The following GRIP1 variants were observed in gnomAD, a reference collection of about 807,000 sequenced individuals.
GRIP1 encodes the protein glutamate receptor-interacting protein 1.
In GRIP1, 45 loss-of-function variants were observed where a neutral mutation model predicts 129.9. That is an observed-to-expected ratio of 0.35 (90% confidence interval 0.27 to 0.44). The LOEUF (loss-of-function observed/expected upper bound fraction) is 0.44, where lower values mean the gene tolerates loss of function less well. Ranked by LOEUF, GRIP1 falls within the 20% of genes least tolerant of loss-of-function variation. The pLI, the probability that GRIP1 is intolerant of heterozygous loss-of-function variation, is 1.00. For synonymous variants in GRIP1, 530 were observed against 520.8 expected (o/e 1.02, Z -0.24); for missense variants, 1,196 against 1,396.8 (o/e 0.86, Z 2.29).
At chr12:66,881,565 C>T (rs1054747799) in intron 1 of GRIP1, among the ~76,000 whole-genome samples, 3 of 151,948 alleles carry the variant, frequency 2.0e-5, no homozygotes, top group Non-Finnish European at 1.5e-5. Flanking sequence ...ATCACATGCA[C>T]CATTGAGCTT....
chr12:66,805,309 C>T (rs952972581), upstream of GRIP1, among the ~76,000 whole-genome samples: 1 of 152,008 alleles, frequency 6.6e-6, no homozygotes, highest in Non-Finnish European at 1.5e-5. Context: ...TTTTAAGAAC[C>T]ACAATCAGAA....
intron 1 of GRIP1, among the ~76,000 whole-genome samples, chr12:66,710,304 G>A (rs975709242): frequency 6.6e-6 from 1 of 151,922 alleles, no homozygotes; most frequent in African/African-American, 2.4e-5. Flanking sequence ...ACTACTTTTG[G>A]TAACTCTTAA....
intron 1 of GRIP1, among the ~76,000 whole-genome samples, chr12:66,974,547 A>C (rs1198090262): frequency 6.6e-6 from 1 of 152,236 alleles, no homozygotes; most frequent in East Asian, 1.9e-4. Flanking sequence ...AAAAATGAAC[A>C]TAATTTTGAC....
At chr12:67,040,389 A>C (rs962969872) in intron 1 of GRIP1, among the ~76,000 whole-genome samples, 2 of 152,216 alleles carry the variant, frequency 1.3e-5, no homozygotes, top group Non-Finnish European at 2.9e-5. Flanking sequence ...TAACATTTTC[A>C]AGTGATCTTT....
At chr12:66,861,096 T>TA (rs142521574) in intron 1 of GRIP1, among the ~76,000 whole-genome samples, 2,887 of 152,026 alleles carry the variant, frequency 0.019, 95 homozygotes, top group African/African-American at 0.066. Context: ...ATCAGAAAAA[T>TA]AAAAAGGTCC....
intron 1 of GRIP1, among the ~76,000 whole-genome samples, chr12:66,809,602 T>C (rs1180985210): frequency 1.3e-5 from 2 of 152,178 alleles, no homozygotes; most frequent in African/African-American, 4.8e-5. Context: ...ATATCCCTTC[T>C]TACTAACTGA....
chr12:66,645,415 T>C (rs1006611254), intron 1 of GRIP1, among the ~76,000 whole-genome samples: 1 of 152,206 alleles, frequency 6.6e-6, no homozygotes, highest in Non-Finnish European at 1.5e-5. Flanking sequence ...TGTTCTCTCA[T>C]TCATTGAGCT....
intron 1 of GRIP1, among the ~76,000 whole-genome samples, chr12:66,867,074 C>T (rs2040218475): frequency 6.6e-6 from 1 of 152,130 alleles, no homozygotes; most frequent in Non-Finnish European, 1.5e-5. Flanking sequence ...CTGCAACCTC[C>T]ACCTCCCAGG....
At chr12:66,502,116 ATTTT>A (rs1592441588) in intron 7 of GRIP1, among the ~76,000 whole-genome samples, 1 of 152,166 alleles carries the variant, frequency 6.6e-6, no homozygotes, top group East Asian at 1.9e-4. Context: ...ATTCTGAAAT[ATTTT>A]AAGAGAATTT....
Position 66,378,105 on chromosome 12 carries a change from TAA to T in GRIP1, c.2622-822_2622-821del, listed in dbSNP as rs1053630076. 2.9e-3 allele frequency among the ~76,000 whole-genome samples: 411 copies of T among 141,804 alleles called. 4 individuals are homozygous for T. The highest frequency in any genetic ancestry group is 9.1e-3 in the African/African-American group (354 of 38,792). 93.0% of individuals were successfully genotyped at this position (141,804 alleles called of 152,430 possible). A position where few individuals can be genotyped will look rare whatever the true frequency, so the allele number is the denominator to read the frequency against. On this transcript the variant is annotated intron_variant, in intron 20 of 24. Coordinates refer to ENST00000359742, the MANE Select transcript of GRIP1 (RefSeq NM_001366722.1). ...AAAGATGGATCCATGAGGTATCTTT[TAA>T]AAAAAAAAAAAAGTAACTTAATGTG...
At chr12:66,843,120 A>C (rs17182441) in intron 1 of GRIP1, among the ~76,000 whole-genome samples, 2,004 of 152,236 alleles carry the variant, frequency 0.013, 15 homozygotes, top group Non-Finnish European at 0.022. Flanking sequence ...TGAAGATCAA[A>C]CCTCCTAAGC....
At chr12:66,451,518 C>T (rs900865458) in intron 11 of GRIP1, among the ~76,000 whole-genome samples, 1 of 149,740 alleles carries the variant, frequency 6.7e-6, no homozygotes, top group Non-Finnish European at 1.5e-5. Context: ...ATCCTTCCAC[C>T]TCAGCCCCCC....
intron 2 of GRIP1, among the ~76,000 whole-genome samples, chr12:66,593,723 A>G (rs546891717): frequency 2.0e-5 from 3 of 152,144 alleles, no homozygotes; most frequent in Non-Finnish European, 4.4e-5. Context: ...ACTTTGGACC[A>G]CTGGGAGTGG....
At chr12:66,966,640 C>T (rs1458878221) in intron 1 of GRIP1, among the ~76,000 whole-genome samples, 1 of 152,066 alleles carries the variant, frequency 6.6e-6, no homozygotes, top group Non-Finnish European at 1.5e-5. Flanking sequence ...GTTTTAATGA[C>T]CTTAACAGAT....
chr12:66,800,465 C>A (rs1013102510), intron 1 of GRIP1, among the ~76,000 whole-genome samples: 2 of 152,116 alleles, frequency 1.3e-5, no homozygotes, highest in Non-Finnish European at 2.9e-5. Context: ...AATTCAGCTG[C>A]ATGGACAGCA....
chr12:67,009,919 A>G (rs1250789697), intron 1 of GRIP1, among the ~76,000 whole-genome samples: 1 of 152,132 alleles, frequency 6.6e-6, no homozygotes, highest in Non-Finnish European at 1.5e-5. Flanking sequence ...TCTCATCCCA[A>G]TTACTTCTCT....
At position 66,363,220 on chromosome 12, in the gene GRIP1, T is replaced by C. The variant is rs1349280594; in HGVS notation, c.3012+8474A>G. 3.3e-4 allele frequency among the ~76,000 whole-genome samples: 44 copies of C among 133,794 alleles called. 5 individuals carry two copies. The highest frequency in any genetic ancestry group is 6.2e-4 in the Non-Finnish European group (39 of 63,022). 87.8% of individuals were successfully genotyped at this position (133,794 alleles called of 152,430 possible). Reference sequence around the variant, plus strand: ...GTGTCCATATATATATATATATATATATATATATAAAGTTTCTGTATCTCT... The same window carrying C: ...GTGTCCATATATATATATATATATACATATATATAAAGTTTCTGTATCTCT... On this transcript the variant is annotated intron_variant, in intron 23 of 24. Transcript: ENST00000359742.
chr12:66,961,493 T>G lies in GRIP1; in HGVS notation c.58+107557A>C, dbSNP rs1222156569. 3.3e-5 allele frequency among the ~76,000 whole-genome samples: 5 copies of G among 152,248 alleles called. No homozygotes were observed. In the East Asian group the frequency reaches 7.7e-4, roughly 23 times the overall value. Reference sequence around the variant, plus strand: ...CAATGTTATAAGAAGTAGTTAAGTTTAAGGAAGAAGTAGTTAAGTTTAAGG... The same window carrying G: ...CAATGTTATAAGAAGTAGTTAAGTTGAAGGAAGAAGTAGTTAAGTTTAAGG... On this transcript the variant is annotated intron_variant, in intron 1 of 1. Coordinates refer to the GRIP1 transcript ENST00000643019.
intron 1 of GRIP1, among the ~76,000 whole-genome samples, chr12:66,733,003 G>T (rs190409903): frequency 1.3e-4 from 20 of 152,172 alleles, no homozygotes; most frequent in African/African-American, 4.6e-4. Context: ...GAAAATAATC[G>T]CAGCTTTAAG....
Sources: gnomAD v4.1 joint callset for allele counts (sites outside exome capture counted in the v4.1 genomes callset) on GRCh38, gnomAD v4.1.1 for gene constraint, MANE v1.5 for transcripts, NCBI Gene and HGNC (gene_info 2026-07-23, HGNC 2026-07-21) for gene names.